Variants in FBXL17 observed in about 807,000 individuals in gnomAD.
The protein encoded by FBXL17 is F-box and leucine rich repeat protein 17.
In FBXL17, 22 loss-of-function variants were observed where a neutral mutation model predicts 66.2. The observed-to-expected ratio is 0.33, with a 90% CI of 0.24 to 0.47. The LOEUF is 0.47. Ranked by LOEUF, FBXL17 falls within the 20% of genes least tolerant of loss-of-function variation. The probability of loss-of-function intolerance (pLI) is 1.00; values close to 1 mark genes in which losing one functional copy is unlikely to be tolerated. For missense variants in FBXL17, 878 were observed against 948.2 expected (o/e 0.93, Z 0.97); for synonymous variants, 474 against 400.5 (o/e 1.18, Z -2.19).
intron 6 of FBXL17, among the ~76,000 whole-genome samples, chr5:108,086,754 T>C (rs2149925099): frequency 6.6e-6 from 1 of 152,112 alleles, no homozygotes; most frequent in East Asian, 1.9e-4. Context: ...AGAGTAGGGG[T>C]TTCACCATGT....
intron 6 of FBXL17, among the ~76,000 whole-genome samples, chr5:108,054,617 G>A (rs1747614757): frequency 6.6e-6 from 1 of 152,184 alleles, no homozygotes; most frequent in Non-Finnish European, 1.5e-5. Flanking sequence ...TGGGTTAAGA[G>A]TAGGGTCACA....
At chr5:108,051,537 A>T (rs930508579) in intron 6 of FBXL17, among the ~76,000 whole-genome samples, 1 of 152,222 alleles carries the variant, frequency 6.6e-6, no homozygotes, top group Admixed American at 6.5e-5. Flanking sequence ...GATAAAATTC[A>T]ACATCCCTTC....
intron 7 of FBXL17, among the ~76,000 whole-genome samples, chr5:107,995,318 G>C (rs1194809874): frequency 6.6e-6 from 1 of 152,124 alleles, no homozygotes; most frequent in Admixed American, 6.5e-5. Flanking sequence ...TATTTAACCT[G>C]ATTTATTTAA....
In FBXL17 at chr5:107,988,005, A is replaced by C. The variant is rs574801547; in HGVS notation, c.1822+32920T>G. ...AGAGTACTGTTGGATTTATTTTTATACAGATATGTTTGAAAACGAACACAC... is the reference window on the plus strand; with the variant it reads ...AGAGTACTGTTGGATTTATTTTTATCCAGATATGTTTGAAAACGAACACAC... On this transcript the variant is annotated intron_variant, in intron 7 of 8. Coordinates refer to ENST00000542267, the MANE Select transcript of FBXL17 (RefSeq NM_001163315.3). 3.3e-5 allele frequency among the ~76,000 whole-genome samples: 5 copies of C among 152,170 alleles called. No individual in the cohort carries two copies. The South Asian group carries it at 1.0e-3, about 32-fold the overall frequency.
chr5:107,992,406 C>A (rs997752394), intron 7 of FBXL17, among the ~76,000 whole-genome samples: 2 of 152,070 alleles, frequency 1.3e-5, no homozygotes, highest in African/African-American at 4.8e-5. Context: ...CTCCTTGAAA[C>A]TGGAACTACA....
intron 6 of FBXL17, among the ~76,000 whole-genome samples, chr5:108,065,270 C>T (rs940550425): frequency 2.0e-5 from 3 of 152,080 alleles, no homozygotes; most frequent in African/African-American, 4.8e-5. Context: ...TCTTAACTTT[C>T]CATATATAGA....
At position 108,377,567 on chromosome 5, in the gene FBXL17, C is replaced by T. The variant is rs958704355; in HGVS notation, c.993+3132G>A. Among the ~76,000 whole-genome samples the T allele has an allele frequency of 9.8e-5, 15 of 152,348 alleles. 1 individual carries two copies. The South Asian group carries it at 2.9e-3, about 29-fold the overall frequency. On this transcript the variant is annotated intron_variant, in intron 1 of 8. Transcript: ENST00000542267. ...CACGCGAGAATGCTGTAGACTTGCA[C>T]TATTCTTACCTGAAGATCTAACAGT...
intron 4 of FBXL17, among the ~76,000 whole-genome samples, chr5:108,326,812 T>C (rs1759878655): frequency 6.6e-6 from 1 of 152,048 alleles, no homozygotes; most frequent in Non-Finnish European, 1.5e-5. Flanking sequence ...AATCTAAAAA[T>C]AACACCACCT....
chr5:108,102,619 C>T (rs995127481), intron 6 of FBXL17, among the ~76,000 whole-genome samples: 21 of 152,280 alleles, frequency 1.4e-4, no homozygotes, highest in Non-Finnish European at 2.5e-4. Flanking sequence ...GGGCTCCAGA[C>T]CACAGCAACT....
At chr5:108,355,227 G>C (rs1242348117) in intron 3 of FBXL17, among the ~76,000 whole-genome samples, 1 of 151,378 alleles carries the variant, frequency 6.6e-6, no homozygotes, top group Non-Finnish European at 1.5e-5. Context: ...TATATGTGAA[G>C]TAAATAGTAT....
intron 7 of FBXL17, among the ~76,000 whole-genome samples, chr5:107,940,583 A>G (rs1276324242): frequency 6.6e-6 from 1 of 152,104 alleles, no homozygotes; most frequent in East Asian, 1.9e-4. Context: ...TGGAGATGGA[A>G]GGTAGGACTG....
intron 4 of FBXL17, among the ~76,000 whole-genome samples, chr5:108,304,577 C>T (rs72791267): frequency 0.033 from 4,988 of 151,890 alleles, 121 homozygotes; most frequent in Non-Finnish European, 0.048. Flanking sequence ...CACCTATTTG[C>T]TTTAATTTTG....
At chr5:108,057,342 T>C (rs111733398) in intron 6 of FBXL17, among the ~76,000 whole-genome samples, 2 of 152,166 alleles carry the variant, frequency 1.3e-5, no homozygotes, top group Admixed American at 1.3e-4. Context: ...TAATGACATA[T>C]CTTAAGCATG....
chr5:108,271,982 A>G (rs539051965), intron 4 of FBXL17, among the ~76,000 whole-genome samples: 2 of 152,120 alleles, frequency 1.3e-5, no homozygotes, highest in South Asian at 4.2e-4. Flanking sequence ...CACTGGTACA[A>G]TGTGTGGCAC....
intron 5 of FBXL17, among the ~76,000 whole-genome samples, chr5:108,199,402 T>C (rs991857712): frequency 2.6e-5 from 4 of 152,340 alleles, no homozygotes; most frequent in South Asian, 4.1e-4. Flanking sequence ...ATTGACATTA[T>C]AGATTACAGC....
chr5:108,348,034 C>G (rs73781333), intron 4 of FBXL17, among the ~76,000 whole-genome samples: 3,784 of 152,178 alleles, frequency 0.025, 159 homozygotes, highest in African/African-American at 0.088. Flanking sequence ...AAAAAAAATT[C>G]TAACTGTCTA....
intron 4 of FBXL17, among the ~76,000 whole-genome samples, chr5:108,285,020 A>C (rs1283363362): frequency 6.6e-6 from 1 of 151,902 alleles, no homozygotes; most frequent in African/African-American, 2.4e-5. Context: ...TTATGAACTC[A>C]ATTTACATAA....
chr5:108,185,062 T>C (rs1753172924), intron 6 of FBXL17, among the ~76,000 whole-genome samples: 1 of 152,174 alleles, frequency 6.6e-6, no homozygotes, highest in Non-Finnish European at 1.5e-5. Context: ...TTTTTCTTCC[T>C]TCCTGCAATA....
intron 6 of FBXL17, among the ~76,000 whole-genome samples, chr5:108,127,656 T>G (rs1198460153): frequency 2.0e-5 from 3 of 152,140 alleles, no homozygotes; most frequent in African/African-American, 4.8e-5. Flanking sequence ...AAAAAAATCT[T>G]TAATAGATTT....
Sources: gnomAD v4.1 joint callset for allele counts (sites outside exome capture counted in the v4.1 genomes callset) on GRCh38, gnomAD v4.1.1 for gene constraint, MANE v1.5 for transcripts, NCBI Gene and HGNC (gene_info 2026-07-23, HGNC 2026-07-21) for gene names.